Variants in PCDH9 observed in about 807,000 individuals in gnomAD.
The protein encoded by PCDH9 is protocadherin 9, also known as protocadherin-9.
PCDH9 carries 24 observed loss-of-function variants against 70.6 expected under a neutral mutation model. That is an observed-to-expected ratio of 0.34 (90% CI 0.25 to 0.48). The LOEUF is 0.48. PCDH9 is among the 20% of genes least tolerant of loss of function. PCDH9 has a pLI of 0.99. For missense variants in PCDH9, 1,281 were observed against 1,503.6 expected (o/e 0.85, Z 2.45); for synonymous variants, 562 against 558.5 (o/e 1.01, Z -0.09).
At chr13:66,374,192 G>A (rs751905236) in intron 4 of PCDH9, among the ~76,000 whole-genome samples, 3 of 151,952 alleles carry the variant, frequency 2.0e-5, no homozygotes, top group Admixed American at 6.6e-5. Flanking sequence ...TACCAGGTCT[G>A]TATATTTATA....
intron 4 of PCDH9, among the ~76,000 whole-genome samples, chr13:66,498,184 C>A (rs1428733847): frequency 7.2e-6 from 1 of 139,068 alleles, no homozygotes; most frequent in Non-Finnish European, 1.5e-5. Context: ...CGCTCTGTCG[C>A]CCAGGCTGGA....
At chr13:66,927,253 A>G (rs1360097240) in intron 2 of PCDH9, among the ~76,000 whole-genome samples, 2 of 152,026 alleles carry the variant, frequency 1.3e-5, no homozygotes, top group African/African-American at 4.8e-5. Flanking sequence ...GCAGGGACAT[A>G]GGTGGAGCTG....
chr13:67,041,961 T>C (rs1389848877), intron 2 of PCDH9, among the ~76,000 whole-genome samples: 1 of 152,150 alleles, frequency 6.6e-6, no homozygotes, highest in Non-Finnish European at 1.5e-5. Flanking sequence ...AAATGAAGTA[T>C]GTCATTTCTG....
At chr13:67,002,781 T>C (rs1031068564) in intron 2 of PCDH9, among the ~76,000 whole-genome samples, 2 of 152,034 alleles carry the variant, frequency 1.3e-5, no homozygotes, top group African/African-American at 4.8e-5. Context: ...TTTATTTTGG[T>C]ATTTTTGTCT....
At chr13:67,121,868 TTTTG>T (rs745828756) in intron 2 of PCDH9, among the ~76,000 whole-genome samples, 13 of 152,044 alleles carry the variant, frequency 8.6e-5, no homozygotes, top group African/African-American at 1.7e-4. Context: ...AGCTCTAGAT[TTTTG>T]TTTGTTTTGT....
At chr13:66,504,016 C>A (rs1959190895) in intron 4 of PCDH9, among the ~76,000 whole-genome samples, 1 of 152,208 alleles carries the variant, frequency 6.6e-6, no homozygotes. Flanking sequence ...CCACCTGCTT[C>A]TTAGCATCAA....
intron 2 of PCDH9, among the ~76,000 whole-genome samples, chr13:66,967,890 G>A (rs2083456406): frequency 1.3e-5 from 2 of 151,904 alleles, no homozygotes; most frequent in South Asian, 4.1e-4. Context: ...TATTTTTGAA[G>A]CCCTGGTACC....
intron 3 of PCDH9, among the ~76,000 whole-genome samples, chr13:66,868,827 A>C (rs1400996370): frequency 6.6e-6 from 1 of 152,132 alleles, no homozygotes; most frequent in Non-Finnish European, 1.5e-5. Context: ...CAGATATTAC[A>C]TGCTTACCAT....
intron 2 of PCDH9, among the ~76,000 whole-genome samples, chr13:67,179,191 T>C (rs969593556): frequency 1.3e-5 from 2 of 152,080 alleles, no homozygotes; most frequent in African/African-American, 2.4e-5. Flanking sequence ...ATTTCTGTTT[T>C]ACAGAGGTGG....
chr13:66,333,597 T>C (rs1443650290), intron 4 of PCDH9, among the ~76,000 whole-genome samples: 3 of 152,224 alleles, frequency 2.0e-5, no homozygotes, highest in Admixed American at 6.5e-5. Flanking sequence ...TCTCTTTTTC[T>C]TTTGTATAAA....
chr13:66,799,236 G>A (rs1055975636), intron 3 of PCDH9, among the ~76,000 whole-genome samples: 5 of 152,148 alleles, frequency 3.3e-5, no homozygotes, highest in Non-Finnish European at 7.3e-5. Flanking sequence ...TTTTTGCTAA[G>A]TTGGAAAGCG....
At chr13:67,210,566 A>C (rs2089448007) in intron 2 of PCDH9, 1 of 152,028 alleles carries the variant, frequency 6.6e-6, no homozygotes, top group Non-Finnish European at 1.5e-5. Context: ...AAAACCTGCC[A>C]AGGAGTAATG....
At chr13:66,406,580 A>T (rs571180848) in intron 4 of PCDH9, among the ~76,000 whole-genome samples, 7 of 152,230 alleles carry the variant, frequency 4.6e-5, no homozygotes, top group Non-Finnish European at 7.3e-5. Context: ...CAGAGAATTT[A>T]CTACACATAT....
In PCDH9 at chr13:66,384,799, G is replaced by A. The variant is rs980259739; in HGVS notation, c.3341-79771C>T. The stretch of plus-strand genomic sequence containing the variant: ...CCTGCCTCAGCCTCCCGAGTAGCTG[G>A]GATTACAGGCACCTGCCACCACTCC... On this transcript the variant is annotated intron_variant, in intron 4 of 4. Coordinates refer to ENST00000377865, the MANE Select transcript of PCDH9 (RefSeq NM_203487.3). 5.3e-5 allele frequency among the ~76,000 whole-genome samples: 8 copies of A among 151,720 alleles called. No individual in the cohort carries two copies. In the East Asian group the frequency reaches 1.6e-3, roughly 30 times the overall value.
intron 4 of PCDH9, among the ~76,000 whole-genome samples, chr13:66,520,909 T>G (rs1376543565): frequency 6.6e-6 from 1 of 152,196 alleles, no homozygotes; most frequent in African/African-American, 2.4e-5. Flanking sequence ...TGGCAGAAGC[T>G]GGTGAGTTCT....
chr13:66,463,451 CAG>C (rs775079674), intron 4 of PCDH9, among the ~76,000 whole-genome samples: 16 of 151,302 alleles, frequency 1.1e-4, no homozygotes, highest in Admixed American at 1.3e-4. Context: ...CAAAACAAGA[CAG>C]AGCAAGAGAG....
At chr13:66,338,782 TC>T (rs1485296747) in intron 4 of PCDH9, among the ~76,000 whole-genome samples, 1 of 152,014 alleles carries the variant, frequency 6.6e-6, no homozygotes, top group Non-Finnish European at 1.5e-5. Flanking sequence ...ATTCTAGAAA[TC>T]TATCTCCTTT....
chr13:66,491,309 C>G (rs1488429590), intron 4 of PCDH9, among the ~76,000 whole-genome samples: 1 of 151,516 alleles, frequency 6.6e-6, no homozygotes, highest in Non-Finnish European at 1.5e-5. Context: ...GAAATTCTCT[C>G]GTAAATTTTG....
At chr13:66,542,569 A>G (rs1381030651) in intron 4 of PCDH9, among the ~76,000 whole-genome samples, 1 of 151,826 alleles carries the variant, frequency 6.6e-6, no homozygotes, top group Non-Finnish European at 1.5e-5. Context: ...TATCCAATTT[A>G]GACTTGCCAG....
Sources: gnomAD v4.1 joint callset for allele counts (sites outside exome capture counted in the v4.1 genomes callset) on GRCh38, gnomAD v4.1.1 for gene constraint, MANE v1.5 for transcripts, NCBI Gene and HGNC (gene_info 2026-07-23, HGNC 2026-07-21) for gene names.